SLC25A26: variants seen among roughly 807,000 people sequenced by gnomAD.
The protein encoded by SLC25A26 is mitochondrial S-adenosylmethionine carrier protein.
In SLC25A26, 36 loss-of-function variants were observed where a neutral mutation model predicts 37.8. The observed-to-expected ratio is 0.95, with a 90% CI of 0.73 to 1.26. The LOEUF (loss-of-function observed/expected upper bound fraction) is 1.26. Ranked by LOEUF, SLC25A26 falls within the 50% of genes most tolerant of loss-of-function variation. The probability of loss-of-function intolerance (pLI) is 0.00; values close to 1 mark genes in which losing one functional copy is unlikely to be tolerated. For synonymous variants in SLC25A26, 129 were observed against 122.5 expected, an observed-to-expected ratio of 1.05 and a Z score of -0.35; for missense variants, 390 against 331.1, an observed-to-expected ratio of 1.18 and a Z score of -1.38.
At chr3:66,346,545 G>A (rs999187320) in intron 6 of SLC25A26, 137 bp downstream of exon 6, 10 of 461,798 alleles carry the variant, frequency 2.2e-5, no homozygotes, top group African/African-American at 1.6e-4. Flanking sequence ...TATATTTTAT[G>A]TGTGATTTAC....
chr3:66,309,529 T>C (rs998420720), intron 5 of SLC25A26, among the ~76,000 whole-genome samples: 1 of 152,148 alleles, frequency 6.6e-6, no homozygotes, highest in African/African-American at 2.4e-5. Context: ...ATCTTAATTA[T>C]TTCTTGTCTT....
chr3:66,336,827 G>C (rs1383771279), intron 5 of SLC25A26, among the ~76,000 whole-genome samples: 1 of 152,154 alleles, frequency 6.6e-6, no homozygotes, highest in African/African-American at 2.4e-5. Context: ...ATGTATATGT[G>C]TGTGTGTGTA....
At chr3:66,240,400 C>T (rs576870340) in intron 2 of SLC25A26, among the ~76,000 whole-genome samples, 8 of 152,242 alleles carry the variant, frequency 5.3e-5, no homozygotes, top group African/African-American at 1.7e-4. Context: ...GGTGATCCTC[C>T]CACCTCAGTC....
upstream of SLC25A26, among the ~76,000 whole-genome samples, chr3:66,216,669 G>T (rs2071366548): frequency 6.7e-6 from 1 of 149,988 alleles, no homozygotes; most frequent in African/African-American, 2.5e-5. Flanking sequence ...CTATGTCTTT[G>T]GTTTCTTGCT....
chr3:66,237,120 C>T (rs1182612532), intron 2 of SLC25A26, among the ~76,000 whole-genome samples: 1 of 152,118 alleles, frequency 6.6e-6, no homozygotes, highest in Non-Finnish European at 1.5e-5. Context: ...TTATAGTCGG[C>T]ATGAGCCACT....
intron 1 of SLC25A26, among the ~76,000 whole-genome samples, chr3:66,150,603 G>GATATATATAT (rs1169750069): frequency 2.7e-4 from 7 of 26,122 alleles, no homozygotes; most frequent in Admixed American, 1.4e-3. Context: ...TATGTAATGA[G>GATATATATAT]ATATATATAT....
At chr3:66,321,828 G>C (rs1053593007) in intron 5 of SLC25A26, among the ~76,000 whole-genome samples, 1 of 150,604 alleles carries the variant, frequency 6.6e-6, no homozygotes, top group African/African-American at 2.5e-5. Flanking sequence ...CTTTATCTTA[G>C]TCTGTTTTGT....
chr3:66,244,697 G>A (rs1260350557), intron 3 of SLC25A26, among the ~76,000 whole-genome samples: 2 of 152,164 alleles, frequency 1.3e-5, no homozygotes, highest in African/African-American at 4.8e-5. Context: ...TCTTGGCCGG[G>A]CACGGTGGCT....
In SLC25A26 at chr3:66,209,063, TATAC is replaced by T. The variant is rs1379323990; in HGVS notation, c.-353-11677_-353-11674del. ...GTGTATATATATATATATATATATA[TATAC>T]ACACACACACCCATATAAAGATGTA... On this transcript the variant is annotated intron_variant, in intron 1 of 10. Transcript: ENST00000676754. Among the ~76,000 whole-genome samples, 23 of 28,830 alleles carry T rather than the reference TATAC, an allele frequency of 8.0e-4. 1 individual carries two copies. Among genetic ancestry groups the T allele is most frequent in the East Asian group, 2.6e-3 (1 of 386 alleles). 18.9% of individuals were successfully genotyped at this position (28,830 alleles called of 152,430 possible). A position where few individuals can be genotyped will look rare whatever the true frequency, so the allele number is the denominator to read the frequency against.
At chr3:66,313,846 A>G (rs2075454168) in intron 5 of SLC25A26, among the ~76,000 whole-genome samples, 1 of 152,016 alleles carries the variant, frequency 6.6e-6, no homozygotes, top group African/African-American at 2.4e-5. Context: ...GTCCCTTGCT[A>G]GCTGTATTCT....
chr3:66,155,916 C>A (rs993588759), intron 1 of SLC25A26, among the ~76,000 whole-genome samples: 5 of 152,212 alleles, frequency 3.3e-5, no homozygotes, highest in African/African-American at 1.2e-4. Flanking sequence ...TCCACTCTCT[C>A]ATTTTAAGCA....
In SLC25A26 at chr3:66,182,721, G is replaced by C. The variant is rs771964981; in HGVS notation, c.-353-38021G>C. Among the ~76,000 whole-genome samples, 20 of 142,100 alleles carry C rather than the reference G, an allele frequency of 1.4e-4. 1 individual carries two copies. The highest frequency in any genetic ancestry group is 3.3e-4 in the African/African-American group (13 of 39,164). The allele number at this position is 142,100 out of a possible 152,430, so 93.2% of individuals were successfully genotyped here. A position where few individuals can be genotyped will look rare whatever the true frequency, so the allele number is the denominator to read the frequency against. ...CCTCAACCTGCAGTGGGCGGCGGGGGGGGGGGGTGGGGTATCAGTAGAAAA... is the reference window on the plus strand; with the variant it reads ...CCTCAACCTGCAGTGGGCGGCGGGGCGGGGGGGTGGGGTATCAGTAGAAAA... On this transcript the variant is annotated intron_variant, in intron 1 of 10. Coordinates refer to the SLC25A26 transcript ENST00000676754.
intron 1 of SLC25A26, among the ~76,000 whole-genome samples, chr3:66,159,439 G>A (rs1316315452): frequency 6.6e-6 from 1 of 152,242 alleles, no homozygotes; most frequent in African/African-American, 2.4e-5. Context: ...AAATTATGTT[G>A]AGTTTATGGT....
intron 1 of SLC25A26, among the ~76,000 whole-genome samples, chr3:66,155,148 T>A (rs1036210709): frequency 4.6e-5 from 7 of 152,212 alleles, no homozygotes; most frequent in African/African-American, 1.4e-4. Context: ...TTTTTGCATA[T>A]CTGTGTCCCT....
chr3:66,336,895 C>T (rs1559713366), intron 5 of SLC25A26, among the ~76,000 whole-genome samples: 1 of 152,108 alleles, frequency 6.6e-6, no homozygotes, highest in Non-Finnish European at 1.5e-5. Context: ...TTAAGAACCT[C>T]AACTAGCAAA....
At chr3:66,271,589 G>A (rs1416086729) in intron 5 of SLC25A26, among the ~76,000 whole-genome samples, 2 of 152,138 alleles carry the variant, frequency 1.3e-5, no homozygotes, top group Non-Finnish European at 1.5e-5. Context: ...TGGGGATTGG[G>A]AAGTTGAGTA....
At chr3:66,312,281 G>A (rs1264459634) in intron 5 of SLC25A26, among the ~76,000 whole-genome samples, 2 of 152,174 alleles carry the variant, frequency 1.3e-5, no homozygotes, top group Non-Finnish European at 2.9e-5. Context: ...TGTTTACACT[G>A]TGAGGGGAAA....
At chr3:66,269,813 T>C (rs973589792) in intron 5 of SLC25A26, among the ~76,000 whole-genome samples, 1 of 152,194 alleles carries the variant, frequency 6.6e-6, no homozygotes, top group Non-Finnish European at 1.5e-5. Flanking sequence ...TGTGAAATTG[T>C]TTTCTTTGAT....
chr3:66,299,714 T>G (rs532140774), intron 5 of SLC25A26, among the ~76,000 whole-genome samples: 1 of 152,322 alleles, frequency 6.6e-6, no homozygotes, highest in East Asian at 1.9e-4. Context: ...TAAACTGATT[T>G]GGATTTTTAG....
Sources: allele counts gnomAD v4.1 joint callset (sites outside exome capture counted in the v4.1 genomes callset), GRCh38; gene constraint gnomAD v4.1.1; transcripts MANE v1.5; gene names NCBI Gene and HGNC (gene_info 2026-07-23, HGNC 2026-07-21).